The following ST6GALNAC3 variants were observed in gnomAD, a reference collection of about 807,000 sequenced individuals.
ST6GALNAC3 encodes the protein alpha-N-acetylgalactosaminide alpha-2,6-sialyltransferase 3.
Under a neutral mutation model 32.7 loss-of-function variants are expected in ST6GALNAC3, and 25 were observed. The ratio of observed to expected loss-of-function variants is 0.76; its 90% confidence interval spans 0.56 to 1.07. The LOEUF is 1.07. Among genes scored for constraint, ST6GALNAC3 ranks in the 50% least tolerant of loss-of-function variants. The probability of loss-of-function intolerance (pLI) is 0.00; values close to 1 mark genes in which losing one functional copy is unlikely to be tolerated. For missense variants in ST6GALNAC3, 355 were observed against 382.4 expected (o/e 0.93, Z 0.60); for synonymous variants, 129 against 133.1 (o/e 0.97, Z 0.21).
At chr1:76,472,512 G>A (rs1659096539) in intron 3 of ST6GALNAC3, among the ~76,000 whole-genome samples, 1 of 152,120 alleles carries the variant, frequency 6.6e-6, no homozygotes, top group African/African-American at 2.4e-5. Flanking sequence ...TCTGGTGAGT[G>A]AGATGTGAGC....
intron 1 of ST6GALNAC3, among the ~76,000 whole-genome samples, chr1:76,197,346 C>T (rs935412202): frequency 2.0e-5 from 3 of 152,012 alleles, no homozygotes; most frequent in South Asian, 2.1e-4. Context: ...GGAACCAAAC[C>T]GAGGAAAAAA....
intron 2 of ST6GALNAC3, among the ~76,000 whole-genome samples, chr1:76,353,306 T>C (rs1649155817): frequency 6.6e-6 from 1 of 152,176 alleles, no homozygotes; most frequent in African/African-American, 2.4e-5. Context: ...TGGCCATTCT[T>C]GTCTGAGCAG....
At chr1:76,137,818 A>C (rs1650046604) in intron 1 of ST6GALNAC3, among the ~76,000 whole-genome samples, 2 of 152,190 alleles carry the variant, frequency 1.3e-5, no homozygotes, top group Non-Finnish European at 2.9e-5. Flanking sequence ...GGAAATATCT[A>C]TATGATTTTG....
intron 2 of ST6GALNAC3, among the ~76,000 whole-genome samples, chr1:76,334,333 C>T (rs912082015): frequency 2.6e-5 from 4 of 152,120 alleles, no homozygotes; most frequent in Admixed American, 2.0e-4. Context: ...AATTATCCTT[C>T]CCTGAGACTT....
chr1:76,335,086 T>G (rs1451251397), intron 2 of ST6GALNAC3, among the ~76,000 whole-genome samples: 2 of 152,166 alleles, frequency 1.3e-5, no homozygotes, highest in African/African-American at 2.4e-5. Context: ...CAATTTTTGA[T>G]GAATACGTGA....
chr1:76,139,100 A>G (rs1450694712), intron 1 of ST6GALNAC3, among the ~76,000 whole-genome samples: 6 of 152,112 alleles, frequency 3.9e-5, no homozygotes, highest in African/African-American at 7.2e-5. Flanking sequence ...AGGCTGAGGC[A>G]GGAGAATGGC....
chr1:76,394,778 G>C (rs113405320), intron 2 of ST6GALNAC3, among the ~76,000 whole-genome samples: 2 of 151,974 alleles, frequency 1.3e-5, no homozygotes, highest in African/African-American at 4.8e-5. Context: ...TATTAAATAG[G>C]CTCTATATTT....
intron 3 of ST6GALNAC3, among the ~76,000 whole-genome samples, chr1:76,441,737 C>T (rs1334446998): frequency 3.3e-5 from 5 of 151,974 alleles, no homozygotes; most frequent in African/African-American, 1.2e-4. Context: ...TTTTTGTACC[C>T]ATTAACCATT....
At chr1:76,600,372 G>C (rs753668908) in intron 3 of ST6GALNAC3, among the ~76,000 whole-genome samples, 5 of 152,118 alleles carry the variant, frequency 3.3e-5, no homozygotes, top group African/African-American at 4.8e-5. Flanking sequence ...AAGAAAGTTA[G>C]ACTAGTCTGG....
chr1:76,174,252 G>A (rs1377788325), intron 1 of ST6GALNAC3, among the ~76,000 whole-genome samples: 1 of 152,160 alleles, frequency 6.6e-6, no homozygotes, highest in Non-Finnish European at 1.5e-5. Flanking sequence ...TCACTCATAA[G>A]TGGGAGCTGA....
intron 1 of ST6GALNAC3, among the ~76,000 whole-genome samples, chr1:76,184,871 C>G (rs1653453391): frequency 6.6e-6 from 1 of 152,084 alleles, no homozygotes; most frequent in Non-Finnish European, 1.5e-5. Context: ...TAAAGATTTG[C>G]TTTAATTTTC....
At chr1:76,199,206 C>G (rs68000528) in intron 1 of ST6GALNAC3, among the ~76,000 whole-genome samples, 6 of 152,096 alleles carry the variant, frequency 3.9e-5, no homozygotes, top group Non-Finnish European at 1.5e-5. Flanking sequence ...ATAAAAATTG[C>G]CACATTTACC....
chr1:76,247,460 A>G (rs1228395128), intron 1 of ST6GALNAC3, among the ~76,000 whole-genome samples: 2 of 151,996 alleles, frequency 1.3e-5, no homozygotes, highest in African/African-American at 4.8e-5. Context: ...TCCCAGGAAG[A>G]TGAGAGTTGT....
chr1:76,484,311 G>A (rs1659948806), intron 3 of ST6GALNAC3, among the ~76,000 whole-genome samples: 1 of 152,166 alleles, frequency 6.6e-6, no homozygotes, highest in African/African-American at 2.4e-5. Context: ...ATTACCTTGG[G>A]CAGTATGGCC....
intron 1 of ST6GALNAC3, among the ~76,000 whole-genome samples, chr1:76,149,400 C>T (rs569143745): frequency 3.3e-5 from 5 of 152,164 alleles, no homozygotes; most frequent in Non-Finnish European, 7.3e-5. Context: ...TGGCATCCCC[C>T]ATTAATCTGT....
At chr1:76,379,244 C>G (rs1651512953) in intron 2 of ST6GALNAC3, among the ~76,000 whole-genome samples, 1 of 152,136 alleles carries the variant, frequency 6.6e-6, no homozygotes, top group Non-Finnish European at 1.5e-5. Context: ...GGGTCCTAAT[C>G]TTTTGTTTAA....
At chr1:76,278,114 T>C (rs1264527859) in intron 1 of ST6GALNAC3, among the ~76,000 whole-genome samples, 1 of 152,166 alleles carries the variant, frequency 6.6e-6, no homozygotes, top group Non-Finnish European at 1.5e-5. Flanking sequence ...TGTTGAGTCT[T>C]TCTATCTATA....
intron 3 of ST6GALNAC3, among the ~76,000 whole-genome samples, chr1:76,599,632 A>G (rs527584553): frequency 3.9e-5 from 6 of 152,132 alleles, no homozygotes; most frequent in Non-Finnish European, 7.4e-5. Flanking sequence ...GTTTAATTCA[A>G]TCTAGATGGA....
intron 1 of ST6GALNAC3, among the ~76,000 whole-genome samples, chr1:76,162,024 G>A (rs943927304): frequency 2.0e-5 from 3 of 152,074 alleles, no homozygotes; most frequent in African/African-American, 7.2e-5. Flanking sequence ...TGGGGACAGG[G>A]CCAGGCAAAA....
Sources: gnomAD v4.1 joint callset for allele counts (sites outside exome capture counted in the v4.1 genomes callset) on GRCh38, gnomAD v4.1.1 for gene constraint, MANE v1.5 for transcripts, NCBI Gene and HGNC (gene_info 2026-07-23, HGNC 2026-07-21) for gene names.